NEO1: variants seen among roughly 807,000 people sequenced by gnomAD.
The protein encoded by NEO1 is neogenin 1.
Under a neutral mutation model 159.7 loss-of-function variants are expected in NEO1, and 63 were observed. The ratio of observed to expected loss-of-function variants is 0.39; its 90% CI spans 0.32 to 0.49. The LOEUF (loss-of-function observed/expected upper bound fraction) is 0.49, where lower values mean the gene tolerates loss of function less well. Ranked by LOEUF, NEO1 falls within the 20% of genes least tolerant of loss-of-function variation. The pLI, the probability that NEO1 is intolerant of heterozygous loss-of-function variation, is 0.85. For synonymous variants in NEO1, 633 were observed against 662.0 expected (o/e 0.96, Z 0.67); for missense variants, 1,615 against 1,831.0 (o/e 0.88, Z 2.15).
At chr15:73,202,355 A>G (rs1470288583) in intron 7 of NEO1, among the ~76,000 whole-genome samples, 1 of 152,176 alleles carries the variant, frequency 6.6e-6, no homozygotes, top group Non-Finnish European at 1.5e-5. Flanking sequence ...TCTTCAAAAA[A>G]TTATATAATA....
At chr15:73,102,349 GAGCA>G in intron 1 of NEO1, among the ~76,000 whole-genome samples, 1 of 152,218 alleles carries the variant, frequency 6.6e-6, no homozygotes, top group East Asian at 1.9e-4. Flanking sequence ...CTGGGCTATA[GAGCA>G]AGATTCCGTC....
intron 7 of NEO1, among the ~76,000 whole-genome samples, chr15:73,184,152 A>G (rs1285752855): frequency 1.3e-5 from 2 of 151,404 alleles, no homozygotes; most frequent in Non-Finnish European, 3.0e-5. Context: ...TTTTAAAATT[A>G]ATTAATTAAT....
chr15:73,273,222 C>T (rs1212754909), intron 19 of NEO1, among the ~76,000 whole-genome samples: 1 of 152,104 alleles, frequency 6.6e-6, no homozygotes, highest in Non-Finnish European at 1.5e-5. Flanking sequence ...TCCTTTGGCG[C>T]CTCTGGCCCA....
chr15:73,144,575 A>G (rs1363649169), intron 5 of NEO1, among the ~76,000 whole-genome samples: 1 of 152,064 alleles, frequency 6.6e-6, no homozygotes, highest in African/African-American at 2.4e-5. Flanking sequence ...TGATTAAACT[A>G]TTAGTGTTCC....
chr15:73,214,981 T>C (rs2037793920), intron 7 of NEO1, among the ~76,000 whole-genome samples: 2 of 152,160 alleles, frequency 1.3e-5, no homozygotes, highest in South Asian at 4.1e-4. Context: ...GTTTTCCTTG[T>C]AGAGGTCTTT....
intron 1 of NEO1, among the ~76,000 whole-genome samples, chr15:73,093,801 A>C (rs574174104): frequency 6.6e-6 from 1 of 151,594 alleles, no homozygotes; most frequent in Non-Finnish European, 1.5e-5. Context: ...CTGGTCTCGA[A>C]CTCCTAAGCT....
At chr15:73,182,846 A>G (rs564620399) in intron 7 of NEO1, among the ~76,000 whole-genome samples, 3 of 152,188 alleles carry the variant, frequency 2.0e-5, no homozygotes, top group Admixed American at 6.5e-5. Context: ...CATAACAGCA[A>G]CCAAATAACC....
At chr15:73,097,066 A>G (rs1003678084) in intron 1 of NEO1, among the ~76,000 whole-genome samples, 6 of 152,166 alleles carry the variant, frequency 3.9e-5, no homozygotes, top group African/African-American at 1.4e-4. Flanking sequence ...TCAAGGCTGC[A>G]GTGAGTTGTG....
chr15:73,263,141 C>T (rs1438780028), intron 15 of NEO1, among the ~76,000 whole-genome samples: 1 of 149,670 alleles, frequency 6.7e-6, no homozygotes, highest in Non-Finnish European at 1.5e-5. Flanking sequence ...TGTAAATGTA[C>T]AGTTAAATGG....
At chr15:73,081,501 A>G (rs1407640224) in intron 1 of NEO1, among the ~76,000 whole-genome samples, 2 of 152,140 alleles carry the variant, frequency 1.3e-5, no homozygotes, top group African/African-American at 4.8e-5. Context: ...CTAACTTATC[A>G]GGGTTGATAA....
intron 5 of NEO1, among the ~76,000 whole-genome samples, chr15:73,161,608 G>A (rs2034185090): frequency 6.6e-6 from 1 of 152,066 alleles, no homozygotes; most frequent in African/African-American, 2.4e-5. Flanking sequence ...TAAAAACTAA[G>A]CAGGCATTTT....
chr15:73,130,499 T>C (rs2030969010), intron 4 of NEO1, among the ~76,000 whole-genome samples: 2 of 152,178 alleles, frequency 1.3e-5, no homozygotes. Flanking sequence ...GCTGTTAGAC[T>C]GTACTTTCTC....
At chr15:73,208,232 C>T (rs1486007357) in intron 7 of NEO1, among the ~76,000 whole-genome samples, 2 of 152,174 alleles carry the variant, frequency 1.3e-5, no homozygotes, top group Non-Finnish European at 2.9e-5. Flanking sequence ...TATAAGCTAT[C>T]TTTCTTTTAA....
chr15:73,286,051 A>G (rs1567697610), intron 23 of NEO1, among the ~76,000 whole-genome samples: 1 of 150,374 alleles, frequency 6.7e-6, no homozygotes, highest in Non-Finnish European at 1.5e-5. Flanking sequence ...CTTAAGGAAT[A>G]ATTATAATTA....
At chr15:73,116,905 A>T in intron 2 of NEO1, 48 bp downstream of exon 2, 1 of 1,382,138 alleles carries the variant, frequency 7.2e-7, no homozygotes, top group East Asian at 2.3e-5. Flanking sequence ...TATTTATAAC[A>T]TACATCTTGA....
At chr15:73,176,969 G>A (rs577112916) in intron 6 of NEO1, among the ~76,000 whole-genome samples, 7 of 152,178 alleles carry the variant, frequency 4.6e-5, no homozygotes, top group Non-Finnish European at 7.4e-5. Context: ...TGATCCTTTT[G>A]AAAAACATAA....
rs1194010940 is a variant in NEO1, at chr15:73,304,654, G to C, written c.*1958G>C. Reference sequence around the variant, plus strand: ...ACTTAAACTGATCCTGAAGAGAGCTGTCCCAGCACTCTGGCCACCAGGAGG... The same window carrying C: ...ACTTAAACTGATCCTGAAGAGAGCTCTCCCAGCACTCTGGCCACCAGGAGG... On this transcript the variant is annotated 3_prime_UTR_variant, in exon 29 of 29. Coordinates refer to ENST00000261908, the MANE Select transcript of NEO1 (RefSeq NM_002499.4). 1 of 152,104 alleles carries C rather than the reference G, an allele frequency of 6.6e-6. No individual in the cohort carries two copies. The highest frequency in any genetic ancestry group is 1.5e-5 in the Non-Finnish European group (1 of 68,036). 9.4% of individuals were successfully genotyped at this position (152,104 alleles called of 1,614,324 possible).
chr15:73,136,104 T>C (rs530667831), intron 5 of NEO1, 77 bp downstream of exon 5: 3 of 1,325,670 alleles, frequency 2.3e-6, no homozygotes, highest in Admixed American at 2.3e-5. Context: ...AATATTAACA[T>C]GGGCGAGGCA....
intron 5 of NEO1, among the ~76,000 whole-genome samples, chr15:73,155,321 C>G (rs2033699883): frequency 6.6e-6 from 1 of 152,142 alleles, no homozygotes; most frequent in Non-Finnish European, 1.5e-5. Flanking sequence ...GAGAAGTCAA[C>G]TGTTAGTCTG....
Sources: allele counts gnomAD v4.1 joint callset (sites outside exome capture counted in the v4.1 genomes callset), GRCh38; gene constraint gnomAD v4.1.1; transcripts MANE v1.5; gene names NCBI Gene and HGNC (gene_info 2026-07-23, HGNC 2026-07-21).